Variants in COL13A1 observed in about 807,000 individuals in gnomAD.
COL13A1 encodes collagen alpha-1(XIII) chain.
In COL13A1, 89 loss-of-function variants were observed where a neutral mutation model predicts 130.9. The observed-to-expected ratio is 0.68, with a 90% confidence interval of 0.57 to 0.81. The LOEUF (loss-of-function observed/expected upper bound fraction) is 0.81, where lower values mean the gene tolerates loss of function less well. Among genes scored for constraint, COL13A1 ranks in the 30% least tolerant of loss-of-function variants. COL13A1 has a pLI of 0.00. For missense variants in COL13A1, 879 were observed against 934.6 expected (o/e 0.94, Z 0.78); for synonymous variants, 402 against 341.6 (o/e 1.18, Z -1.95).
intron 2 of COL13A1, among the ~76,000 whole-genome samples, chr10:69,851,733 C>T (rs1206485450): frequency 6.6e-6 from 1 of 152,182 alleles, no homozygotes; most frequent in Non-Finnish European, 1.5e-5. Context: ...CAGCTCACGG[C>T]AACCTCCACC....
intron 14 of COL13A1, among the ~76,000 whole-genome samples, chr10:69,899,529 C>T (rs1415289008): frequency 4.6e-5 from 7 of 152,174 alleles, no homozygotes; most frequent in African/African-American, 1.2e-4. Flanking sequence ...CCTACCTCCT[C>T]TCTACTTAGA....
chr10:69,883,417 G>A (rs1312609673), intron 7 of COL13A1, among the ~76,000 whole-genome samples: 2 of 152,300 alleles, frequency 1.3e-5, no homozygotes, highest in African/African-American at 4.8e-5. Flanking sequence ...CCCCACACCA[G>A]GTAGACACAC....
intron 2 of COL13A1, among the ~76,000 whole-genome samples, chr10:69,830,485 C>G (rs963344771): frequency 2.6e-5 from 4 of 152,074 alleles, no homozygotes; most frequent in African/African-American, 9.7e-5. Flanking sequence ...AAGCAAACGA[C>G]AAGAGAATAT....
At position 69,903,870 on chromosome 10, in the gene COL13A1, T is replaced by C. The variant is rs11594892; in HGVS notation, c.858+1015T>C. On this transcript the variant is annotated intron_variant, in intron 15 of 40. Coordinates refer to ENST00000645393, the MANE Select transcript of COL13A1 (RefSeq NM_001368882.1). ...GCACCCTGTGTGTACGGCCACATTC[T>C]AGATGGCCTGTTTGCATGTCTGGGC... Among the ~76,000 whole-genome samples the C allele has an allele frequency of 2.8e-3, 434 of 152,296 alleles. 2 individuals carry two copies. Among genetic ancestry groups the C allele is most frequent in the Non-Finnish European group, 4.8e-3 (328 of 68,030 alleles).
chr10:69,868,324 G>A (rs778696321), intron 3 of COL13A1, among the ~76,000 whole-genome samples: 2 of 152,106 alleles, frequency 1.3e-5, no homozygotes, highest in African/African-American at 4.8e-5. Flanking sequence ...GGCGGCAATG[G>A]TTATGTAAGA....
chr10:69,937,154 C>T (rs774291597), intron 33 of COL13A1, among the ~76,000 whole-genome samples: 20 of 152,224 alleles, frequency 1.3e-4, no homozygotes, highest in Non-Finnish European at 2.5e-4. Flanking sequence ...CTGCACTGGG[C>T]TCTCCCGGCC....
chr10:69,955,187 C>T (rs1468309538), intron 39 of COL13A1: 3 of 152,236 alleles, frequency 2.0e-5, no homozygotes, highest in East Asian at 1.9e-4. Context: ...GAAAGGTGGT[C>T]GTAGAGCCCC....
rs1225465484 is a variant in COL13A1, at chr10:69,923,722, C to A, written c.1231-80C>A. On this transcript the variant is annotated intron_variant, in intron 23 of 40. Transcript: ENST00000645393. ...GTCCAAGGCAACATCTAGGCATGAGCGGCAAGACCATCTTTTCCCTCATAA... is the reference window on the plus strand; with the variant it reads ...GTCCAAGGCAACATCTAGGCATGAGAGGCAAGACCATCTTTTCCCTCATAA... The A allele has an allele frequency of 3.3e-6, 5 of 1,529,006 alleles. No homozygotes were observed. The East Asian group carries it at 7.3e-5, about 22-fold the overall frequency. The allele number at this position is 1,529,006 out of a possible 1,614,324, so 94.7% of individuals were successfully genotyped here.
At chr10:69,899,905 G>A (rs2062020275) in intron 14 of COL13A1, among the ~76,000 whole-genome samples, 1 of 152,216 alleles carries the variant, frequency 6.6e-6, no homozygotes, top group African/African-American at 2.4e-5. Context: ...TGACTCAGGA[G>A]TCAGGAGCCC....
intron 37 of COL13A1, among the ~76,000 whole-genome samples, chr10:69,946,780 G>GT (rs1018274642): frequency 6.6e-6 from 1 of 151,806 alleles, no homozygotes; most frequent in Admixed American, 6.6e-5. Context: ...CCAGAACTGT[G>GT]TTTTTTTGTT....
chr10:69,952,850 G>GT (rs753018113), intron 38 of COL13A1, 32 bp from the exon 39 acceptor site: 19 of 1,450,178 alleles, frequency 1.3e-5, no homozygotes, highest in Middle Eastern at 3.5e-4. Context: ...AAGTTTTGAT[G>GT]TTTTTTTCTC....
chr10:69,867,820 C>T lies in COL13A1; in HGVS notation c.372+15C>T, dbSNP rs370489568. 67 of 718,388 alleles carry T rather than the reference C, an allele frequency of 9.3e-5. No homozygotes were observed. The highest frequency in any genetic ancestry group is 1.6e-4 in the South Asian group (11 of 67,584). The allele number at this position is 718,388 out of a possible 1,614,324, so 44.5% of individuals were successfully genotyped here. ...CAGGACCTCCTGTAAGTACTCAAGC[C>T]GAGGGTCTCGTGCATCTGAAAGGCC... On this transcript the variant is annotated intron_variant, in intron 3 of 40. Transcript: ENST00000645393.
intron 36 of COL13A1, among the ~76,000 whole-genome samples, chr10:69,945,409 G>A (rs1424325675): frequency 6.6e-6 from 1 of 152,210 alleles, no homozygotes; most frequent in African/African-American, 2.4e-5. Context: ...CCTCAGGCCA[G>A]CCAGGCCCAG....
chr10:69,830,279 G>A (rs1220683304), intron 2 of COL13A1, among the ~76,000 whole-genome samples: 1 of 152,192 alleles, frequency 6.6e-6, no homozygotes, highest in African/African-American at 2.4e-5. Context: ...GATGCTCACT[G>A]CAACACTACT....
At position 69,922,717 on chromosome 10, in the gene COL13A1, G is replaced by A. The variant is rs1487113599; in HGVS notation, c.1153G>A (p.Gly385Ser). ...CACCTTCCACCCCCAGGGAGAGAAA[G>A]GCGATGCTGGCAACTCCATTGGAGG... ...PGLLGQKGEK[G>S]DAGNSIGGGR... is the part of the protein sequence containing the mutation. Residue 385 changes from glycine to serine, a missense_variant, in exon 23 of 41, where the codon GGC becomes AGC. This residue lies in a region of COL13A1 where 715 missense variants were observed against 721.0 expected (regional missense o/e 0.99). Coordinates refer to ENST00000645393, the MANE Select transcript of COL13A1 (RefSeq NM_001368882.1). The A allele has an allele frequency of 6.2e-7, 1 of 1,606,144 alleles. No homozygotes were observed. The highest frequency in any genetic ancestry group is 8.5e-7 in the Non-Finnish European group (1 of 1,176,782).
intron 29 of COL13A1, 133 bp from the exon 30 acceptor site, chr10:69,930,267 C>T: frequency 9.3e-7 from 1 of 1,070,262 alleles, no homozygotes. Context: ...CCAGGCAGAC[C>T]CAGGCTGGGC....
At chr10:69,886,028 G>A (rs184040203) in intron 7 of COL13A1, among the ~76,000 whole-genome samples, 3 of 152,278 alleles carry the variant, frequency 2.0e-5, no homozygotes, top group Non-Finnish European at 2.9e-5. Flanking sequence ...TATATTCGTG[G>A]CTTCAGGGAG....
chr10:69,942,502 C>A (rs1471207041), intron 35 of COL13A1, among the ~76,000 whole-genome samples: 1 of 152,182 alleles, frequency 6.6e-6, no homozygotes, highest in Non-Finnish European at 1.5e-5. Context: ...CCGAGGGAAG[C>A]AGTACAAATT....
At chr10:69,896,351 A>G (rs1013647394) in intron 13 of COL13A1, among the ~76,000 whole-genome samples, 3 of 152,088 alleles carry the variant, frequency 2.0e-5, no homozygotes, top group Non-Finnish European at 4.4e-5. Context: ...CAAGATACGC[A>G]CAGCTTCCTC....
Sources: allele counts gnomAD v4.1 joint callset (sites outside exome capture counted in the v4.1 genomes callset), GRCh38; gene constraint gnomAD v4.1.1; regional missense constraint gnomAD v4.1.1; transcripts MANE v1.5; gene names NCBI Gene and HGNC (gene_info 2026-07-23, HGNC 2026-07-21).